Variants in VWA3B observed in about 807,000 individuals in gnomAD.
The protein encoded by VWA3B is von Willebrand factor A domain containing 3B.
In VWA3B, 138 loss-of-function variants were observed where a neutral mutation model predicts 158.3. The ratio of observed to expected loss-of-function variants is 0.87; its 90% CI spans 0.76 to 1.00. VWA3B has a LOEUF of 1.00. Among genes scored for constraint, VWA3B ranks in the 50% least tolerant of loss-of-function variants. The probability of loss-of-function intolerance (pLI) is 0.00; values close to 1 mark genes in which losing one functional copy is unlikely to be tolerated. For missense variants in VWA3B, 1,555 were observed against 1,565.1 expected, an observed-to-expected ratio of 0.99 and a Z score of 0.11; for synonymous variants, 596 against 587.3, an observed-to-expected ratio of 1.01 and a Z score of -0.21.
intron 8 of VWA3B, among the ~76,000 whole-genome samples, chr2:98,168,821 C>T (rs1409324346): frequency 6.6e-6 from 1 of 151,856 alleles, no homozygotes; most frequent in African/African-American, 2.4e-5. Flanking sequence ...TAAAAAAACC[C>T]GAAAGAAGAT....
intron 22 of VWA3B, among the ~76,000 whole-genome samples, chr2:98,281,736 C>T (rs955655669): frequency 8.5e-5 from 13 of 152,074 alleles, no homozygotes; most frequent in Non-Finnish European, 8.8e-5. Flanking sequence ...TCCATATCAC[C>T]GAGATTGAAT....
rs751088037 is a variant in VWA3B, at chr2:98,298,053, C to T, written c.3282+22C>T. The stretch of plus-strand genomic sequence containing the variant: ...CCAGGTACCCAGTCCCTGATGTGTT[C>T]TGGGGCCCCTTTTCACCATCCACAG... On this transcript the variant is annotated intron_variant, in intron 24 of 27. Transcript: ENST00000477737. The T allele has an allele frequency of 5.4e-6, 8 of 1,475,190 alleles. No homozygotes were observed. The South Asian group carries it at 1.2e-4, about 21-fold the overall frequency. 91.4% of individuals were successfully genotyped at this position (1,475,190 alleles called of 1,614,324 possible). A position where few individuals can be genotyped will look rare whatever the true frequency, so the allele number is the denominator to read the frequency against.
chr2:98,180,264 G>A (rs184732479), intron 8 of VWA3B, among the ~76,000 whole-genome samples: 13 of 151,544 alleles, frequency 8.6e-5, no homozygotes, highest in African/African-American at 1.9e-4. Flanking sequence ...GTGCATTCTC[G>A]GCTCACCGCA....
chr2:98,153,680 G>A (rs1017373279), intron 7 of VWA3B, among the ~76,000 whole-genome samples: 3 of 152,130 alleles, frequency 2.0e-5, no homozygotes, highest in African/African-American at 4.8e-5. Flanking sequence ...TGGCTTACTG[G>A]CAGCGGGAGA....
At chr2:98,120,132 T>C (rs918431716) in intron 4 of VWA3B, among the ~76,000 whole-genome samples, 1 of 152,242 alleles carries the variant, frequency 6.6e-6, no homozygotes, top group Non-Finnish European at 1.5e-5. Flanking sequence ...CTAATTTCAC[T>C]GATTTTCCAG....
chr2:98,290,634 T>A lies in VWA3B; in HGVS notation c.3157+12T>A, dbSNP rs767840933. ...CTTTTATTTTCCAGGTAGTTTTTTTTTTTTTAATTTCGTGAGGCTTTTGTT... is the reference window on the plus strand; with the variant it reads ...CTTTTATTTTCCAGGTAGTTTTTTTATTTTTAATTTCGTGAGGCTTTTGTT... On this transcript the variant is annotated intron_variant, in intron 23 of 27. Transcript: ENST00000477737. 6.4e-7 allele frequency: 1 copy of A among 1,564,522 alleles called. No homozygotes were observed. The highest frequency in any genetic ancestry group is 8.7e-7 in the Non-Finnish European group (1 of 1,149,288).
At chr2:98,275,644 A>G (rs10203437) in intron 22 of VWA3B, among the ~76,000 whole-genome samples, 63,807 of 152,204 alleles carry the variant, frequency 0.42, 13,782 homozygotes, top group Admixed American at 0.47. Flanking sequence ...GGGAGAGTGC[A>G]CAGCACCAGG....
At chr2:98,118,690 G>A (rs961296563) in intron 3 of VWA3B, among the ~76,000 whole-genome samples, 3 of 151,920 alleles carry the variant, frequency 2.0e-5, no homozygotes, top group African/African-American at 7.3e-5. Context: ...ACCCTCTTTG[G>A]GTCCCCTCCC....
intron 22 of VWA3B, among the ~76,000 whole-genome samples, chr2:98,285,903 AT>A (rs1363863018): frequency 5.9e-5 from 9 of 152,122 alleles, no homozygotes; most frequent in Non-Finnish European, 1.3e-4. Context: ...AAGTCTTCCA[AT>A]CCATGAACAT....
intron 13 of VWA3B, 74 bp from the exon 14 acceptor site, chr2:98,217,772 A>T: frequency 7.2e-7 from 1 of 1,381,244 alleles, no homozygotes; most frequent in African/African-American, 1.5e-5. Flanking sequence ...AGTAAATACT[A>T]AGGATTTTCA....
At chr2:98,149,538 C>T (rs1677450943) in intron 7 of VWA3B, among the ~76,000 whole-genome samples, 1 of 152,158 alleles carries the variant, frequency 6.6e-6, no homozygotes, top group Non-Finnish European at 1.5e-5. Flanking sequence ...CAGTCAGAAG[C>T]TGACATGAAG....
chr2:98,290,169 A>G (rs1312668153), intron 22 of VWA3B, among the ~76,000 whole-genome samples: 6 of 152,228 alleles, frequency 3.9e-5, no homozygotes, highest in Non-Finnish European at 7.3e-5. Flanking sequence ...GGGAGGCCAC[A>G]GGAAACTTAC....
intron 1 of VWA3B, among the ~76,000 whole-genome samples, chr2:98,092,816 G>GTATATATATATA (rs70940110): frequency 6.6e-4 from 34 of 51,498 alleles, no homozygotes; most frequent in Non-Finnish European, 8.7e-4. Flanking sequence ...AGATGTTTTT[G>GTATATATATATA]TATATATATA....
At chr2:98,133,497 C>T (rs774921605) in intron 6 of VWA3B, among the ~76,000 whole-genome samples, 14 of 152,258 alleles carry the variant, frequency 9.2e-5, no homozygotes, top group South Asian at 2.1e-4. Context: ...GTTGACATGA[C>T]GGAACCCTGG....
At chr2:98,215,063 A>T (rs1683858991) in intron 13 of VWA3B, among the ~76,000 whole-genome samples, 1 of 152,172 alleles carries the variant, frequency 6.6e-6, no homozygotes, top group Admixed American at 6.5e-5. Flanking sequence ...TACACTCAAA[A>T]TTTTTGTTTT....
At chr2:98,319,503 G>T in the VWA3B span, among the ~76,000 whole-genome samples, 1 of 152,062 alleles carries the variant, frequency 6.6e-6, no homozygotes, top group South Asian at 2.1e-4. Context: ...AAAAGACAAT[G>T]AACTATCTAT....
intron 9 of VWA3B, among the ~76,000 whole-genome samples, chr2:98,181,655 A>G (rs1181126524): frequency 6.6e-6 from 1 of 152,210 alleles, no homozygotes; most frequent in Non-Finnish European, 1.5e-5. Context: ...AATCCCAGCA[A>G]ATAAGGAGTC....
chr2:98,232,588 A>G (rs1490183513), intron 16 of VWA3B, among the ~76,000 whole-genome samples: 1 of 151,924 alleles, frequency 6.6e-6, no homozygotes, highest in African/African-American at 2.4e-5. Context: ...ATGATGGGTG[A>G]TTTTTGATAG....
chr2:98,091,363 T>C (rs1320924246), intron 1 of VWA3B, among the ~76,000 whole-genome samples: 1 of 152,202 alleles, frequency 6.6e-6, no homozygotes, highest in Admixed American at 6.5e-5. Context: ...TGATATGGTA[T>C]GAAGAAGCTG....
Sources: gnomAD v4.1 joint callset for allele counts (sites outside exome capture counted in the v4.1 genomes callset) on GRCh38, gnomAD v4.1.1 for gene constraint, MANE v1.5 for transcripts, NCBI Gene and HGNC (gene_info 2026-07-23, HGNC 2026-07-21) for gene names.